The following MAPK10 variants were observed in gnomAD, a reference collection of about 807,000 sequenced individuals.
The protein encoded by MAPK10 is mitogen-activated protein kinase 10.
A neutral mutation model predicts 59.3 loss-of-function variants in MAPK10; 25 were observed. That is an observed-to-expected ratio of 0.42 (90% confidence interval 0.31 to 0.59). MAPK10 has a LOEUF of 0.59. Ranked by LOEUF, MAPK10 falls within the 20% of genes least tolerant of loss-of-function variation. The pLI is 0.15. For missense variants in MAPK10, 351 were observed against 568.9 expected (o/e 0.62, Z 3.90); for synonymous variants, 190 against 200.5 (o/e 0.95, Z 0.44).
intron 1 of MAPK10, among the ~76,000 whole-genome samples, chr4:86,474,156 A>G (rs1724170576): frequency 6.6e-6 from 1 of 152,180 alleles, no homozygotes; most frequent in Non-Finnish European, 1.5e-5. Context: ...TTTCAGTTTT[A>G]TTCATCTTTG....
At chr4:86,118,579 TAC>T (rs148000432) in intron 4 of MAPK10, among the ~76,000 whole-genome samples, 9,897 of 146,204 alleles carry the variant, frequency 0.068, 460 homozygotes, top group African/African-American at 0.13. Context: ...TAAATACACA[TAC>T]ACACACACAC....
chr4:86,415,386 G>C (rs1041057069), intron 1 of MAPK10, among the ~76,000 whole-genome samples: 1 of 152,032 alleles, frequency 6.6e-6, no homozygotes, highest in African/African-American at 2.4e-5. Context: ...TTCTTTTAAG[G>C]GCAAATAGAG....
intron 11 of MAPK10, among the ~76,000 whole-genome samples, chr4:86,041,627 AAAAC>A (rs1253615866): frequency 1.6e-4 from 24 of 152,202 alleles, no homozygotes; most frequent in Admixed American, 2.6e-4. Context: ...TTACAAGAAA[AAAAC>A]AAACAACCCC....
chr4:86,507,615 G>GAGATATAT (rs1219957209), intron 1 of MAPK10, among the ~76,000 whole-genome samples: 16 of 35,648 alleles, frequency 4.5e-4, no homozygotes, highest in Non-Finnish European at 6.7e-4. Context: ...ATAAACTGGA[G>GAGATATAT]ATATATATAT....
intron 1 of MAPK10, among the ~76,000 whole-genome samples, chr4:86,469,004 A>C (rs573274727): frequency 6.6e-6 from 1 of 152,332 alleles, no homozygotes; most frequent in East Asian, 1.9e-4. Context: ...GGGAATGTTA[A>C]ATCTGGGAAA....
intron 2 of MAPK10, among the ~76,000 whole-genome samples, chr4:86,243,772 C>T (rs2092907535): frequency 1.7e-5 from 2 of 114,526 alleles, no homozygotes; most frequent in African/African-American, 6.8e-5. Flanking sequence ...ATCTCTCTTT[C>T]CTGCTTTAGT....
intron 2 of MAPK10, among the ~76,000 whole-genome samples, chr4:86,199,222 C>G (rs1015868545): frequency 6.6e-6 from 1 of 151,618 alleles, no homozygotes; most frequent in Non-Finnish European, 1.5e-5. Context: ...TATACATGTA[C>G]AAGAAAATTC....
At chr4:86,449,345 G>A (rs1750423296) in intron 1 of MAPK10, among the ~76,000 whole-genome samples, 1 of 152,194 alleles carries the variant, frequency 6.6e-6, no homozygotes, top group African/African-American at 2.4e-5. Flanking sequence ...TTATGGTCAT[G>A]AAGGTAACAT....
At chr4:86,245,531 A>G (rs2093029801) in intron 2 of MAPK10, among the ~76,000 whole-genome samples, 1 of 152,130 alleles carries the variant, frequency 6.6e-6, no homozygotes, top group African/African-American at 2.4e-5. Context: ...ATAAGTTCTC[A>G]CTATATTGCC....
intron 2 of MAPK10, among the ~76,000 whole-genome samples, chr4:86,338,908 A>T (rs1264486992): frequency 6.6e-6 from 1 of 152,132 alleles, no homozygotes; most frequent in Non-Finnish European, 1.5e-5. Flanking sequence ...ACACAGTATT[A>T]AAACGTTTTA....
intron 1 of MAPK10, among the ~76,000 whole-genome samples, chr4:86,531,830 C>T (rs1757873757): frequency 2.0e-5 from 3 of 152,026 alleles, no homozygotes. Flanking sequence ...ATCCCACTTA[C>T]CAGTAGGAAA....
intron 3 of MAPK10, among the ~76,000 whole-genome samples, chr4:86,174,937 T>G (rs1043059229): frequency 8.5e-5 from 13 of 152,084 alleles, no homozygotes; most frequent in African/African-American, 2.9e-4. Context: ...AGGATCAAAC[T>G]TTTTCAAGTT....
At chr4:86,495,881 T>A (rs1754831583) in intron 1 of MAPK10, among the ~76,000 whole-genome samples, 1 of 152,172 alleles carries the variant, frequency 6.6e-6, no homozygotes. Flanking sequence ...CATCATCGGA[T>A]CCAGGCTGAA....
At chr4:86,376,954 GCATC>G (rs1344784246) in intron 1 of MAPK10, among the ~76,000 whole-genome samples, 3 of 152,100 alleles carry the variant, frequency 2.0e-5, no homozygotes, top group East Asian at 3.9e-4. Context: ...CCCTTGTTGG[GCATC>G]CCTGCTCCAG....
intron 2 of MAPK10, among the ~76,000 whole-genome samples, chr4:86,248,651 C>T (rs531054202): frequency 6.6e-6 from 1 of 152,268 alleles, no homozygotes; most frequent in East Asian, 1.9e-4. Flanking sequence ...AAGTCAGACT[C>T]CACAGAACAA....
chr4:86,207,226 A>C (rs2149344437), intron 2 of MAPK10, among the ~76,000 whole-genome samples: 1 of 151,638 alleles, frequency 6.6e-6, no homozygotes, highest in East Asian at 1.9e-4. Flanking sequence ...TTTTTGTATA[A>C]GGTGTAAGGA....
At chr4:86,591,383 G>T (rs530908062) in intron 1 of MAPK10, among the ~76,000 whole-genome samples, 1 of 151,526 alleles carries the variant, frequency 6.6e-6, no homozygotes, top group Non-Finnish European at 1.5e-5. Context: ...TATTATTATT[G>T]TTATTTTTGA....
In MAPK10 at chr4:86,017,307, A is replaced by G. The variant is rs1028234085; in HGVS notation, c.1316T>C (p.Met439Thr). The G allele has an allele frequency of 3.7e-6, 6 of 1,614,044 alleles. No individual in the cohort carries two copies. In the African/African-American group the frequency reaches 8.0e-5, roughly 22 times the overall value. ...PSSSVNDISS[M>T]STDQTLASDT... ...AGATGCCAGGGTCTGGTCGGTGGAC[A>G]TGGAGGAGATGTCATTGACAGACGA... Residue 439 changes from methionine to threonine, a missense_variant, in exon 14 of 14, where the codon ATG becomes ACG. By Grantham distance (81) the Met-to-Thr change is moderately conservative. Transcript: ENST00000641462. This position sits in a 1 kb window ranked among gnomAD's most constrained non-coding sequence, Gnocchi z 4.4.
intron 1 of MAPK10, among the ~76,000 whole-genome samples, chr4:86,401,161 T>A (rs1252551102): frequency 6.6e-6 from 1 of 152,082 alleles, no homozygotes; most frequent in Non-Finnish European, 1.5e-5. Context: ...AAATTTTGAG[T>A]CAAAACACAA....
Sources: allele counts gnomAD v4.1 joint callset (sites outside exome capture counted in the v4.1 genomes callset), GRCh38; gene constraint gnomAD v4.1.1; non-coding constraint Gnocchi (gnomAD v3.1); transcripts MANE v1.5; gene names NCBI Gene and HGNC (gene_info 2026-07-23, HGNC 2026-07-21).